The following CA10 variants were observed in gnomAD, a reference collection of about 807,000 sequenced individuals.
The protein encoded by CA10 is carbonic anhydrase-related protein 10.
In CA10, 14 loss-of-function variants were observed where a neutral mutation model predicts 44.2. The ratio of observed to expected loss-of-function variants is 0.32; its 90% CI spans 0.21 to 0.50. The LOEUF is 0.50. Ranked by LOEUF, CA10 falls within the 20% of genes least tolerant of loss-of-function variation. The pLI, the probability that CA10 is intolerant of heterozygous loss-of-function variation, is 0.99. For synonymous variants in CA10, 159 were observed against 141.6 expected, an observed-to-expected ratio of 1.12 and a Z score of -0.87; for missense variants, 350 against 409.7, an observed-to-expected ratio of 0.85 and a Z score of 1.26.
chr17:51,915,460 T>A (rs203062), intron 3 of CA10, among the ~76,000 whole-genome samples: 80,108 of 152,052 alleles, frequency 0.53, 21,571 homozygotes, highest in Non-Finnish European at 0.56. Flanking sequence ...TCCTGGGAGT[T>A]TGTGTAACAT....
At chr17:51,892,649 T>C (rs1980908222) in intron 3 of CA10, among the ~76,000 whole-genome samples, 1 of 152,212 alleles carries the variant, frequency 6.6e-6, no homozygotes, top group Non-Finnish European at 1.5e-5. Context: ...TTATTCTCCC[T>C]AGCCAATTCC....
chr17:51,664,927 G>A (rs560941498), intron 4 of CA10, among the ~76,000 whole-genome samples: 7 of 152,258 alleles, frequency 4.6e-5, no homozygotes, highest in South Asian at 2.1e-4. Flanking sequence ...AGGGGTTGAC[G>A]GAGAAGACTT....
chr17:51,947,252 A>G lies in CA10; in HGVS notation c.137-16120T>C, dbSNP rs535155376. ...AAAAAAAAAAAAAAAAAAAAAGCCA[A>G]AAACCTTGTCTAGACTTTGAGTCAC... On this transcript the variant is annotated intron_variant, in intron 2 of 8. Coordinates refer to ENST00000451037, the MANE Select transcript of CA10 (RefSeq NM_020178.5). Among the ~76,000 whole-genome samples the G allele has an allele frequency of 2.9e-3, 441 of 151,608 alleles. 1 individual carries two copies. Among genetic ancestry groups the G allele is most frequent in the African/African-American group, 0.01 (425 of 41,366 alleles).
At chr17:51,653,807 C>G in intron 4 of CA10, 71 bp from the exon 5 acceptor site, 4 of 866,158 alleles carry the variant, frequency 4.6e-6, no homozygotes, top group Non-Finnish European at 7.9e-6. Context: ...AGCACCTGCC[C>G]CTACATAAGG....
intron 2 of CA10, among the ~76,000 whole-genome samples, chr17:52,015,544 A>G (rs1985941775): frequency 6.6e-6 from 1 of 152,122 alleles, no homozygotes; most frequent in Admixed American, 6.6e-5. Context: ...TTGAAAACTA[A>G]GGCTTAAGGA....
At chr17:51,879,349 C>T (rs564418391) in intron 3 of CA10, among the ~76,000 whole-genome samples, 1 of 152,246 alleles carries the variant, frequency 6.6e-6, no homozygotes, top group African/African-American at 2.4e-5. Flanking sequence ...TTAAAATGTC[C>T]TATTTTAATT....
chr17:51,853,034 TATC>T (rs1978863779), intron 3 of CA10, among the ~76,000 whole-genome samples: 1 of 152,162 alleles, frequency 6.6e-6, no homozygotes, highest in African/African-American at 2.4e-5. Flanking sequence ...AGGGGGGCTT[TATC>T]ATATGTCCTT....
At chr17:51,872,866 T>C (rs184849720) in intron 3 of CA10, among the ~76,000 whole-genome samples, 3 of 152,320 alleles carry the variant, frequency 2.0e-5, no homozygotes, top group East Asian at 3.9e-4. Context: ...TAACTCTAAA[T>C]AGCCCTCAAA....
At position 52,157,873 on chromosome 17, in the gene CA10, G is replaced by C; in HGVS notation, c.-87C>G. ...ACACGGCACACACACATACACACTC[G>C]CACACACTTCCGAGCGAGTGCACAC... On this transcript the variant is annotated 5_prime_UTR_variant, in exon 1 of 9. Coordinates refer to ENST00000451037, the MANE Select transcript of CA10 (RefSeq NM_020178.5). 1 of 1,034,016 alleles carries C rather than the reference G, an allele frequency of 9.7e-7. No homozygotes were observed. Among genetic ancestry groups the C allele is most frequent in the Non-Finnish European group, 1.5e-6 (1 of 653,018 alleles). The allele number at this position is 1,034,016 out of a possible 1,614,324, so 64.1% of individuals were successfully genotyped here. A position where few individuals can be genotyped will look rare whatever the true frequency, so the allele number is the denominator to read the frequency against.
In CA10 at chr17:52,086,029, G is replaced by A. The variant is rs542238776; in HGVS notation, c.62-13636C>T. On this transcript the variant is annotated intron_variant, in intron 1 of 8. Coordinates refer to ENST00000451037, the MANE Select transcript of CA10 (RefSeq NM_020178.5). ...AATTTATTTCATTTCAGTCCAATTC[G>A]ATATGATTCAATTCAATCAAATCCA... 1.1e-4 allele frequency among the ~76,000 whole-genome samples: 16 copies of A among 152,090 alleles called. No individual in the cohort carries two copies. The East Asian group carries it at 2.5e-3, about 24-fold the overall frequency.
chr17:51,948,951 T>G (rs1036877361), intron 2 of CA10, among the ~76,000 whole-genome samples: 3 of 152,150 alleles, frequency 2.0e-5, no homozygotes, highest in Non-Finnish European at 4.4e-5. Context: ...CAGAAAGATG[T>G]CCATAATATA....
chr17:51,841,797 C>T (rs779598235), intron 3 of CA10, among the ~76,000 whole-genome samples: 1 of 152,194 alleles, frequency 6.6e-6, no homozygotes, highest in Non-Finnish European at 1.5e-5. Flanking sequence ...GTCCACAGGT[C>T]AGGAAAGCTC....
intron 2 of CA10, among the ~76,000 whole-genome samples, chr17:51,956,057 CTAA>C (rs1983655335): frequency 6.6e-6 from 1 of 152,194 alleles, no homozygotes; most frequent in Admixed American, 6.5e-5. Flanking sequence ...AGTTCCCCAC[CTAA>C]TAATTTTTAG....
chr17:51,704,244 G>T lies in CA10; in HGVS notation c.465+43389C>A, dbSNP rs74516331. Among the ~76,000 whole-genome samples the T allele has an allele frequency of 6.9e-3, 1,053 of 151,988 alleles. 16 individuals are homozygous for T. Among genetic ancestry groups the T allele is most frequent in the African/African-American group, 0.024 (1,009 of 41,438 alleles). On this transcript the variant is annotated intron_variant, in intron 4 of 8. Transcript: ENST00000451037. The stretch of plus-strand genomic sequence containing the variant: ...TTTATTTATCCATCCAACATATACT[G>T]AGTTGCTACTCCCACCAAACACTGG...
intron 2 of CA10, among the ~76,000 whole-genome samples, chr17:52,015,534 T>C (rs750099779): frequency 6.6e-6 from 1 of 152,072 alleles, no homozygotes; most frequent in African/African-American, 2.4e-5. Flanking sequence ...GTTATCCAAA[T>C]TGAAAACTAA....
At chr17:52,119,803 T>C (rs1327339675) in intron 1 of CA10, among the ~76,000 whole-genome samples, 1 of 152,244 alleles carries the variant, frequency 6.6e-6, no homozygotes, top group Non-Finnish European at 1.5e-5. Flanking sequence ...ATAAATTATG[T>C]TCCAAAACTT....
At chr17:51,731,731 A>C (rs1916730681) in intron 4 of CA10, among the ~76,000 whole-genome samples, 3 of 149,508 alleles carry the variant, frequency 2.0e-5, no homozygotes, top group Non-Finnish European at 4.4e-5. Context: ...AGGCTGGAGT[A>C]TGGTGGCAAG....
rs554539545 is a variant in CA10, at chr17:51,671,190, G to T, written c.466-17454C>A. Among the ~76,000 whole-genome samples, 307 of 152,156 alleles carry T rather than the reference G, an allele frequency of 2.0e-3. 1 individual carries two copies. Among genetic ancestry groups the T allele is most frequent in the African/African-American group, 7.2e-3 (299 of 41,498 alleles). ...CCTTTCCTGCAGGTTCTGATTGGGG[G>T]CCGGCCTTTGGCTCTTCCCGGCTGC... On this transcript the variant is annotated intron_variant, in intron 4 of 8. Transcript: ENST00000451037.
intron 2 of CA10, among the ~76,000 whole-genome samples, chr17:52,014,921 A>T (rs1567703209): frequency 6.6e-6 from 1 of 152,108 alleles, no homozygotes; most frequent in Non-Finnish European, 1.5e-5. Flanking sequence ...AAGAAAATGG[A>T]TGAATAATTG....
Sources: allele counts gnomAD v4.1 joint callset (sites outside exome capture counted in the v4.1 genomes callset), GRCh38; gene constraint gnomAD v4.1.1; transcripts MANE v1.5; gene names NCBI Gene and HGNC (gene_info 2026-07-23, HGNC 2026-07-21).